The following CABIN1 variants were observed in gnomAD, a reference collection of about 807,000 sequenced individuals.
The protein encoded by CABIN1 is calcineurin binding protein 1, also known as calcineurin-binding protein cabin-1.
CABIN1 carries 133 observed loss-of-function variants against 227.7 expected under a neutral mutation model. The ratio of observed to expected loss-of-function variants is 0.58; its 90% confidence interval spans 0.51 to 0.67. CABIN1 has a LOEUF of 0.67. CABIN1 is among the 30% of genes least tolerant of loss of function. The pLI is 0.00. For missense variants in CABIN1, 2,408 were observed against 2,852.5 expected (o/e 0.84, Z 3.55); for synonymous variants, 1,086 against 1,155.1 (o/e 0.94, Z 1.21).
Position 24,149,326 on chromosome 22 carries a change from A to G in CABIN1, c.4746+14911A>G, listed in dbSNP as rs187893599. Among the ~76,000 whole-genome samples, 49 of 152,256 alleles carry G rather than the reference A, an allele frequency of 3.2e-4. No individual in the cohort carries two copies. The East Asian group carries it at 8.1e-3, about 25-fold the overall frequency. On this transcript the variant is annotated intron_variant, in intron 29 of 36. Coordinates refer to ENST00000263119, the MANE Select transcript of CABIN1 (RefSeq NM_012295.4). Reference sequence around the variant, plus strand: ...CTGCAAAGTGGGGTTGACCAGACCCACCTCTTAGAGTTATGGGGAGGGTCA... The same window carrying G: ...CTGCAAAGTGGGGTTGACCAGACCCGCCTCTTAGAGTTATGGGGAGGGTCA...
In CABIN1 at chr22:24,113,729, G is replaced by A. The variant is rs2042930974; in HGVS notation, c.4281G>A (p.Gln1427=). The A allele has an allele frequency of 6.2e-7, 1 of 1,613,760 alleles. No homozygotes were observed. Among genetic ancestry groups the A allele is most frequent in the Non-Finnish European group, 8.5e-7 (1 of 1,180,028 alleles). ...SQAGATGKDL[Q]GATEERGKNE... ...CAGGAGCGACGGGTAAAGATCTTCA[G>A]GGGGCCACAGAAGAAAGAGGTATGA... Residue 1427 remains glutamine, a synonymous_variant, in exon 27 of 37, where the codon CAG becomes CAA. Transcript: ENST00000263119.
chr22:24,055,349 G>T (rs556919420), intron 9 of CABIN1, among the ~76,000 whole-genome samples, 190 bp downstream of exon 9: 1 of 152,258 alleles, frequency 6.6e-6, no homozygotes, highest in Admixed American at 6.5e-5. Context: ...GCCCGTCAGG[G>T]CCATTTCAGC....
chr22:24,155,946 T>C, intron 29 of CABIN1: 1 of 512,850 alleles, frequency 1.9e-6, no homozygotes, highest in Non-Finnish European at 3.4e-6. Context: ...TCCAGTAGAG[T>C]GCCGGCGCCC....
rs1183672715 is a variant in CABIN1 at position 24,155,853 on chromosome 22, G to A, written c.4747-8547G>A. ...AGCTGCACCCACTTTGCCCGGCAGC[G>A]GTCCACAGCCCGCCACCAGCGGCCA... On this transcript the variant is annotated intron_variant, in intron 29 of 36. Transcript: ENST00000263119. The A allele has an allele frequency of 7.0e-6, 3 of 428,074 alleles. No individual in the cohort carries two copies. The East Asian group carries it at 1.1e-4, about 16-fold the overall frequency. The allele number at this position is 428,074 out of a possible 1,614,324, so 26.5% of individuals were successfully genotyped here. A position where few individuals can be genotyped will look rare whatever the true frequency, so the allele number is the denominator to read the frequency against.
At chr22:24,146,951 G>C (rs1015385847) in intron 29 of CABIN1, among the ~76,000 whole-genome samples, 1 of 152,218 alleles carries the variant, frequency 6.6e-6, no homozygotes, top group African/African-American at 2.4e-5. Flanking sequence ...GCAGAGCCCA[G>C]ACTGGGAACC....
intron 1 of CABIN1, among the ~76,000 whole-genome samples, chr22:24,016,386 C>T (rs1056476926): frequency 3.3e-5 from 5 of 152,090 alleles, no homozygotes; most frequent in African/African-American, 1.2e-4. Context: ...ATCCATTTAT[C>T]AGTTGATGGA....
At chr22:24,084,881 C>G in intron 21 of CABIN1, 96 bp downstream of exon 21, 2 of 1,559,896 alleles carry the variant, frequency 1.3e-6, no homozygotes, top group Non-Finnish European at 1.8e-6. Flanking sequence ...TTTTTCTGCT[C>G]TGTACCAGAC....
At chr22:24,068,965 A>G (rs56366994) in intron 16 of CABIN1, among the ~76,000 whole-genome samples, 3 of 152,256 alleles carry the variant, frequency 2.0e-5, no homozygotes, top group Non-Finnish European at 4.4e-5. Context: ...GAGGGGGGGC[A>G]GACAAGAGAC....
chr22:24,125,428 G>A (rs1305462649), intron 28 of CABIN1, among the ~76,000 whole-genome samples: 11 of 152,216 alleles, frequency 7.2e-5, no homozygotes, highest in Non-Finnish European at 1.2e-4. Flanking sequence ...GGGACCCGTA[G>A]AAGCCAGGAC....
chr22:24,165,643 C>G lies in CABIN1; in HGVS notation c.5007+17C>G, dbSNP rs371892117. 1 of 1,601,692 alleles carries G rather than the reference C, an allele frequency of 6.2e-7. No homozygotes were observed. Among genetic ancestry groups the G allele is most frequent in the Non-Finnish European group, 8.5e-7 (1 of 1,171,928 alleles). On this transcript the variant is annotated intron_variant, in intron 31 of 36. Coordinates refer to ENST00000263119, the MANE Select transcript of CABIN1 (RefSeq NM_012295.4). Reference sequence around the variant, plus strand: ...CTCGCAGAGGTATGCCACCTGTGTCCTCCTCTCCTCCACGGCCCATGAACA... The same window carrying G: ...CTCGCAGAGGTATGCCACCTGTGTCGTCCTCTCCTCCACGGCCCATGAACA...
At chr22:24,152,476 C>G (rs1175738088) in intron 29 of CABIN1, among the ~76,000 whole-genome samples, 2 of 152,172 alleles carry the variant, frequency 1.3e-5, no homozygotes, top group Non-Finnish European at 2.9e-5. Context: ...TCAGCAGTCT[C>G]TGCTGTCACA....
chr22:24,166,432 A>G (rs1045612068), intron 31 of CABIN1, among the ~76,000 whole-genome samples: 7 of 152,194 alleles, frequency 4.6e-5, no homozygotes, highest in African/African-American at 1.7e-4. Context: ...CCAGAGGTGC[A>G]GAGGAGGGAA....
rs973062972 is a variant in CABIN1 at position 24,035,609 on chromosome 22, C to T, written c.3+89C>T. 18 of 1,514,708 alleles carry T rather than the reference C, an allele frequency of 1.2e-5. 1 individual carries two copies. Among genetic ancestry groups the T allele is most frequent in the East Asian group, 4.5e-5 (2 of 44,412 alleles). The allele number at this position is 1,514,708 out of a possible 1,614,324, so 93.8% of individuals were successfully genotyped here. On this transcript the variant is annotated intron_variant, in intron 2 of 36. Coordinates refer to ENST00000263119, the MANE Select transcript of CABIN1 (RefSeq NM_012295.4). ...GCGAGGGGCATTTTCCTGTTAGATT[C>T]TGAAGGCTCTTATTATGGAGTAGCC... is the stretch of plus-strand genomic sequence containing the variant.
Position 24,167,066 on chromosome 22 carries a change from C to A in CABIN1, c.5435C>A (p.Pro1812Gln), listed in dbSNP as rs529900288. 1 of 1,545,144 alleles carries A rather than the reference C, an allele frequency of 6.5e-7. No homozygotes were observed. Among genetic ancestry groups the A allele is most frequent in the Admixed American group, 2.0e-5 (1 of 50,922 alleles). Reference sequence around the variant, plus strand: ...ATCAGTGCCCGGCAGCAGCCCACCCCGCTCACCCCAGCCCAGCCAGCCCCC... The same window carrying A: ...ATCAGTGCCCGGCAGCAGCCCACCCAGCTCACCCCAGCCCAGCCAGCCCCC... The part of the protein sequence containing the change: ...LSISARQQPT[P>Q]LTPAQPAPAP... The change falls in exon 32 of 37, where the codon CCG (proline) becomes CAG (glutamine). Residue 1812 changes from proline to glutamine, a missense_variant. Physicochemically the swap from Pro to Gln is moderately conservative, Grantham distance 76 (BLOSUM62 -1). Around this residue, in one of 3 missense-constraint regions of CABIN1, gnomAD observed 714 missense variants for 773.8 expected, o/e 0.92. Coordinates refer to ENST00000263119, the MANE Select transcript of CABIN1 (RefSeq NM_012295.4).
At chr22:24,012,414 C>G (rs541532332) in intron 1 of CABIN1, among the ~76,000 whole-genome samples, 1 of 152,134 alleles carries the variant, frequency 6.6e-6, no homozygotes, top group African/African-American at 2.4e-5. Context: ...GAACCCTCAT[C>G]TAGTACAAAG....
At chr22:24,121,453 A>C (rs969447417) in intron 28 of CABIN1, among the ~76,000 whole-genome samples, 1 of 152,196 alleles carries the variant, frequency 6.6e-6, no homozygotes, top group Non-Finnish European at 1.5e-5. Context: ...GCATGCTAGC[A>C]AACGATGGCC....
chr22:24,124,626 C>T (rs2043607964), intron 28 of CABIN1, among the ~76,000 whole-genome samples: 2 of 152,200 alleles, frequency 1.3e-5, no homozygotes, highest in African/African-American at 2.4e-5. Flanking sequence ...ATTTTGAGGC[C>T]TGAGTCTACA....
At chr22:24,075,756 AT>A (rs927063593) in intron 18 of CABIN1, among the ~76,000 whole-genome samples, 326 of 148,694 alleles carry the variant, frequency 2.2e-3, no homozygotes, top group Middle Eastern at 3.4e-3. Context: ...AAAAAAAAAA[AT>A]TTTTTTTTTT....
At chr22:24,014,836 A>G (rs182221390) in intron 1 of CABIN1, among the ~76,000 whole-genome samples, 32 of 152,230 alleles carry the variant, frequency 2.1e-4, no homozygotes, top group Admixed American at 7.2e-4. Flanking sequence ...CTGTATAGCT[A>G]ACTTTGGTAT....
Sources: allele counts gnomAD v4.1 joint callset (sites outside exome capture counted in the v4.1 genomes callset), GRCh38; gene constraint gnomAD v4.1.1; regional missense constraint gnomAD v4.1.1; transcripts MANE v1.5; gene names NCBI Gene and HGNC (gene_info 2026-07-23, HGNC 2026-07-21).